TAFA1: variants seen among roughly 807,000 people sequenced by gnomAD.
TAFA1 encodes the protein TAFA chemokine like family member 1, also known as chemokine-like protein TAFA-1.
Under a neutral mutation model 18.5 loss-of-function variants are expected in TAFA1, and 4 were observed. The observed-to-expected ratio is 0.22, with a 90% CI of 0.11 to 0.49. TAFA1 has a LOEUF of 0.49. Ranked by LOEUF, TAFA1 falls within the 20% of genes least tolerant of loss-of-function variation. TAFA1 has a pLI of 0.98. For synonymous variants in TAFA1, 56 were observed against 55.2 expected, an observed-to-expected ratio of 1.01 and a Z score of -0.06; for missense variants, 147 against 169.0, an observed-to-expected ratio of 0.87 and a Z score of 0.72.
chr3:68,019,660 C>G (rs1440532876), intron 2 of TAFA1, among the ~76,000 whole-genome samples: 2 of 152,058 alleles, frequency 1.3e-5, no homozygotes, highest in Non-Finnish European at 2.9e-5. Context: ...TGCTGTCTTT[C>G]AAATAAAACT....
Position 68,261,357 on chromosome 3 carries a change from C to T in TAFA1, c.119-155923C>T, listed in dbSNP as rs557774115. Among the ~76,000 whole-genome samples, 133 of 152,242 alleles carry T rather than the reference C, an allele frequency of 8.7e-4. 2 individuals are homozygous for T. The highest frequency in any genetic ancestry group is 2.6e-3 in the African/African-American group (108 of 41,550). On this transcript the variant is annotated intron_variant, in intron 2 of 4. Transcript: ENST00000478136. ...TCAACCCTTGTGGAAGTCAGTGTGGCGATTCCTCAGGGATCTAGAACTAGA... is the reference window on the plus strand; with the variant it reads ...TCAACCCTTGTGGAAGTCAGTGTGGTGATTCCTCAGGGATCTAGAACTAGA...
At chr3:68,102,134 C>T (rs1440593939) in intron 2 of TAFA1, among the ~76,000 whole-genome samples, 1 of 152,058 alleles carries the variant, frequency 6.6e-6, no homozygotes, top group African/African-American at 2.4e-5. Flanking sequence ...AGTTATTATG[C>T]CTTTAGATTC....
At chr3:68,273,385 G>A (rs192985587) in intron 2 of TAFA1, among the ~76,000 whole-genome samples, 1 of 152,302 alleles carries the variant, frequency 6.6e-6, no homozygotes, top group African/African-American at 2.4e-5. Context: ...GTCAGAGCTT[G>A]CATTGTCCTC....
At chr3:68,326,278 A>G (rs2068776689) in intron 2 of TAFA1, among the ~76,000 whole-genome samples, 1 of 152,182 alleles carries the variant, frequency 6.6e-6, no homozygotes, top group South Asian at 2.1e-4. Flanking sequence ...TCCTTGTGTC[A>G]CATATTTGAA....
chr3:68,250,449 A>G (rs1386082298), intron 2 of TAFA1, among the ~76,000 whole-genome samples: 1 of 152,050 alleles, frequency 6.6e-6, no homozygotes, highest in Non-Finnish European at 1.5e-5. Flanking sequence ...GAATCAGATT[A>G]CTCCTGGCTC....
At chr3:68,404,816 A>C (rs1410364163) in intron 2 of TAFA1, among the ~76,000 whole-genome samples, 2 of 151,984 alleles carry the variant, frequency 1.3e-5, no homozygotes, top group Non-Finnish European at 2.9e-5. Flanking sequence ...AAAAAAAAAA[A>C]AGGATGGCTG....
At chr3:68,277,625 CA>C (rs1411568416) in intron 2 of TAFA1, among the ~76,000 whole-genome samples, 1 of 152,094 alleles carries the variant, frequency 6.6e-6, no homozygotes, top group East Asian at 1.9e-4. Context: ...CCCCAAGATG[CA>C]AAAGATAGAA....
chr3:68,412,568 A>C (rs1575844351), intron 2 of TAFA1, among the ~76,000 whole-genome samples: 1 of 151,720 alleles, frequency 6.6e-6, no homozygotes, highest in African/African-American at 2.4e-5. Flanking sequence ...GATGTTCCCC[A>C]CCCTGTGTCC....
intron 2 of TAFA1, among the ~76,000 whole-genome samples, chr3:68,077,035 G>A (rs2064833659): frequency 6.6e-6 from 1 of 151,688 alleles, no homozygotes; most frequent in Admixed American, 6.6e-5. Flanking sequence ...TTGTGGTTTT[G>A]ATTTGCATTT....
At chr3:68,256,256 T>C (rs2067295935) in intron 2 of TAFA1, among the ~76,000 whole-genome samples, 1 of 152,124 alleles carries the variant, frequency 6.6e-6, no homozygotes, top group Non-Finnish European at 1.5e-5. Flanking sequence ...GTAAATACAC[T>C]TCCTCACCTC....
intron 3 of TAFA1, among the ~76,000 whole-genome samples, chr3:68,440,462 T>C (rs551826961): frequency 1.3e-5 from 2 of 152,308 alleles, no homozygotes; most frequent in Admixed American, 6.5e-5. Context: ...AGTGTATACA[T>C]GCACAAACAT....
intron 2 of TAFA1, among the ~76,000 whole-genome samples, chr3:68,221,174 G>C (rs934233200): frequency 3.3e-5 from 5 of 152,200 alleles, no homozygotes; most frequent in Non-Finnish European, 7.3e-5. Flanking sequence ...TTTTGGTCCA[G>C]TAACAAATAC....
intron 2 of TAFA1, among the ~76,000 whole-genome samples, chr3:68,300,408 C>T (rs1485686968): frequency 6.6e-6 from 1 of 151,710 alleles, no homozygotes; most frequent in Non-Finnish European, 1.5e-5. Context: ...GGAAAAAGAA[C>T]ATTTACCCAA....
intron 2 of TAFA1, among the ~76,000 whole-genome samples, chr3:68,202,213 T>G (rs551558307): frequency 1.3e-5 from 2 of 151,770 alleles, no homozygotes; most frequent in East Asian, 3.9e-4. Context: ...CATAGTATAT[T>G]TTTCTCCATT....
chr3:68,068,346 G>A (rs905769500), intron 2 of TAFA1, among the ~76,000 whole-genome samples: 1 of 152,140 alleles, frequency 6.6e-6, no homozygotes, highest in Non-Finnish European at 1.5e-5. Flanking sequence ...TAACTTTACT[G>A]TAGATCTTCT....
At chr3:68,386,074 C>G (rs913788637) in intron 2 of TAFA1, among the ~76,000 whole-genome samples, 2 of 152,170 alleles carry the variant, frequency 1.3e-5, no homozygotes, top group Non-Finnish European at 2.9e-5. Context: ...CTAATACTTT[C>G]ACTATCTGGC....
chr3:68,004,203 C>G (rs1704318800), upstream of TAFA1: 1 of 152,184 alleles, frequency 6.6e-6, no homozygotes, highest in South Asian at 2.1e-4. Context: ...GGTAATGTCA[C>G]TTTAAGACAT....
At chr3:68,424,260 AGAG>A (rs1419824053) in intron 3 of TAFA1, among the ~76,000 whole-genome samples, 1 of 152,042 alleles carries the variant, frequency 6.6e-6, no homozygotes, top group African/African-American at 2.4e-5. Flanking sequence ...ACAGACTGAC[AGAG>A]AAGATGAGAC....
intron 2 of TAFA1, among the ~76,000 whole-genome samples, chr3:68,086,309 C>T (rs1389729161): frequency 6.6e-6 from 1 of 152,208 alleles, no homozygotes; most frequent in African/African-American, 2.4e-5. Flanking sequence ...GTGTCAGTAA[C>T]TGTGTAGAAT....
Sources: gnomAD v4.1 joint callset for allele counts (sites outside exome capture counted in the v4.1 genomes callset) on GRCh38, gnomAD v4.1.1 for gene constraint, MANE v1.5 for transcripts, NCBI Gene and HGNC (gene_info 2026-07-23, HGNC 2026-07-21) for gene names.